The following RBM42 variants were observed in gnomAD, a reference collection of about 807,000 sequenced individuals.
RBM42 encodes RNA-binding protein 42.
In RBM42, 21 loss-of-function variants were observed where a neutral mutation model predicts 41.4. The observed-to-expected ratio is 0.51, with a 90% CI of 0.36 to 0.73. The LOEUF (loss-of-function observed/expected upper bound fraction) is 0.73, where lower values mean the gene tolerates loss of function less well. Ranked by LOEUF, RBM42 falls within the 30% of genes least tolerant of loss-of-function variation. The probability of loss-of-function intolerance (pLI) is 0.00; values close to 1 mark genes in which losing one functional copy is unlikely to be tolerated. For missense variants in RBM42, 539 were observed against 680.4 expected (o/e 0.79, Z 2.31); for synonymous variants, 272 against 271.2 (o/e 1.00, Z -0.03).
At chr19:35,631,097 G>A (rs981520679) in intron 2 of RBM42, 43 bp from the exon 3 acceptor site, 1 of 1,556,970 alleles carries the variant, frequency 6.4e-7, no homozygotes, top group Non-Finnish European at 8.9e-7. Context: ...CAGCAGATGG[G>A]AATGCTGAGT....
intron 8 of RBM42, among the ~76,000 whole-genome samples, chr19:35,635,269 TCAGGC>T (rs1053894121): frequency 2.1e-5 from 3 of 143,106 alleles, no homozygotes; most frequent in African/African-American, 7.9e-5. Flanking sequence ...TGAGCCGAGA[TCAGGC>T]CACTGCACTC....
intron 8 of RBM42, among the ~76,000 whole-genome samples, chr19:35,636,107 A>G (rs1389962729): frequency 1.3e-5 from 2 of 149,248 alleles, no homozygotes; most frequent in South Asian, 2.1e-4. Context: ...TAGCTCTGTG[A>G]CCTTGGGCAA....
intron 5 of RBM42, 33 bp from the exon 6 acceptor site, chr19:35,633,044 A>G (rs780233491): frequency 2.5e-6 from 4 of 1,604,892 alleles, no homozygotes; most frequent in Non-Finnish European, 3.4e-6. Context: ...AACTCCCCCC[A>G]GGCCCTGGAA....
intron 8 of RBM42, among the ~76,000 whole-genome samples, chr19:35,634,582 T>C (rs1232627229): frequency 2.6e-5 from 4 of 152,112 alleles, no homozygotes; most frequent in African/African-American, 9.7e-5. Flanking sequence ...ACATGGGGCT[T>C]TGTAGCCTGT....
At chr19:35,631,254 T>TG in intron 3 of RBM42, 30 bp downstream of exon 3, 1 of 1,612,950 alleles carries the variant, frequency 6.2e-7, no homozygotes, top group Non-Finnish European at 8.5e-7. Context: ...GTGAGGGGGT[T>TG]GGGCAATCAG....
intron 1 of RBM42, 59 bp from the exon 2 acceptor site, chr19:35,629,461 C>T: frequency 2.5e-6 from 4 of 1,600,880 alleles, no homozygotes; most frequent in South Asian, 2.2e-5. Context: ...TCGCGATATA[C>T]CCACAGTTCC....
rs1223952826 is a variant in RBM42 at position 35,637,428 on chromosome 19, C to A, written c.1331-14C>A. On this transcript the variant is annotated splice_polypyrimidine_tract_variant and intron_variant, in intron 9 of 9. Transcript: ENST00000262633. The surrounding 1 kb of genome is among the most constrained non-coding windows in gnomAD (Gnocchi z 7.0). ...GCCTGACCCGAGCCTGCCTTGAACC[C>A]TCTGTCTCCACAGGGAAGTATGTGG... 1.2e-6 allele frequency: 2 copies of A among 1,613,942 alleles called. No individual in the cohort carries two copies. Among genetic ancestry groups the A allele is most frequent in the East Asian group, 2.2e-5 (1 of 44,866 alleles).
In RBM42 at chr19:35,631,160, C is replaced by T; in HGVS notation, c.303C>T (p.Ala101=). The T allele has an allele frequency of 6.2e-7, 1 of 1,614,146 alleles. No individual in the cohort carries two copies. Among genetic ancestry groups the T allele is most frequent in the Non-Finnish European group, 8.5e-7 (1 of 1,180,036 alleles). Residue 101 remains alanine (A), a synonymous_variant, in exon 3 of 10, where the codon GCC becomes GCT. Coordinates refer to ENST00000262633, the MANE Select transcript of RBM42 (RefSeq NM_024321.5). ...TYQQVQQTLE[A]RAAAAATVVP... is the part of the protein sequence containing the mutation. ...GACAGGTCCAGCAGACTCTGGAGGCCCGAGCAGCTGCTGCAGCCACAGTAG... is the reference window on the plus strand; with the variant it reads ...GACAGGTCCAGCAGACTCTGGAGGCTCGAGCAGCTGCTGCAGCCACAGTAG...
rs374227223 is a variant in RBM42, at chr19:35,631,134, C to G, written c.283-6C>G. 2 of 1,613,606 alleles carry G rather than the reference C, an allele frequency of 1.2e-6. No homozygotes were observed. The highest frequency in any genetic ancestry group is 1.7e-6 in the Non-Finnish European group (2 of 1,179,898). The stretch of plus-strand genomic sequence containing the variant: ...AGGCCCCTCACCCTGACCTCTTCCT[C>G]GACAGGTCCAGCAGACTCTGGAGGC... On this transcript the variant is annotated splice_polypyrimidine_tract_variant and splice_region_variant and intron_variant, in intron 2 of 9. Transcript: ENST00000262633.
In RBM42 at chr19:35,633,976, G is replaced by A. The variant is rs765602333; in HGVS notation, c.974G>A (p.Arg325Gln). The change falls in exon 7 of 10, where the codon CGG becomes CAG. Residue 325 changes from arginine (R) to glutamine (Q), a missense_variant. Arg to Gln is a conservative substitution (Grantham distance 43). This residue lies in a region of RBM42 where 429 missense variants were observed against 488.9 expected (regional missense o/e 0.88). Coordinates refer to ENST00000262633, the MANE Select transcript of RBM42 (RefSeq NM_024321.5). ...PELLSLRPRP[R>Q]PPRPEPPPGL... Reference sequence around the variant, plus strand: ...CTCCTGTCCCTGCGTCCTCGGCCCCGGCCCCCTCGGCCAGAGCCACCCCCA... The same window carrying A: ...CTCCTGTCCCTGCGTCCTCGGCCCCAGCCCCCTCGGCCAGAGCCACCCCCA... 7.2e-6 allele frequency: 11 copies of A among 1,537,094 alleles called. No homozygotes were observed. The highest frequency in any genetic ancestry group is 4.6e-5 in the East Asian group (2 of 43,736).
rs537911974 is a variant in RBM42 at position 35,633,921 on chromosome 19, G to A, written c.919G>A (p.Gly307Ser). 1.7e-5 allele frequency: 27 copies of A among 1,590,458 alleles called. No individual in the cohort carries two copies. Among genetic ancestry groups the A allele is most frequent in the South Asian group, 4.5e-5 (4 of 88,612 alleles). The part of the protein sequence containing the change: ...PLPLPLEVVR[G>S]LLPPLRIPEL... ...GCCCCTCCCGTTGGAGGTCGTCCGCGGCCTCCTGCCCCCGCTGCGCATTCC... is the reference window on the plus strand; with the variant it reads ...GCCCCTCCCGTTGGAGGTCGTCCGCAGCCTCCTGCCCCCGCTGCGCATTCC... Residue 307 changes from glycine (G) to serine (S), a missense_variant, in exon 7 of 10, where the codon GGC (glycine) becomes AGC (serine). Physicochemically the swap from Gly to Ser is moderately conservative, Grantham distance 56. Coordinates refer to ENST00000262633, the MANE Select transcript of RBM42 (RefSeq NM_024321.5).
intron 8 of RBM42, among the ~76,000 whole-genome samples, chr19:35,635,810 A>G (rs1312815698): frequency 1.3e-5 from 2 of 151,932 alleles, no homozygotes; most frequent in Non-Finnish European, 2.9e-5. Flanking sequence ...ATAAGCCACC[A>G]CGCCCAGCCT....
intron 8 of RBM42, among the ~76,000 whole-genome samples, chr19:35,634,829 A>G (rs868438375): frequency 6.6e-6 from 1 of 151,208 alleles, no homozygotes; most frequent in East Asian, 2.0e-4. Flanking sequence ...TGGCCGGGAA[A>G]AATTTTAAAC....
At chr19:35,633,288 G>A (rs760441239) in intron 6 of RBM42, 36 bp downstream of exon 6, 109 of 1,488,134 alleles carry the variant, frequency 7.3e-5, no homozygotes, top group Admixed American at 1.1e-4. Context: ...TCAGATGTGC[G>A]GTGGACGGGG....
chr19:35,631,432 A>G (rs1219207755), intron 4 of RBM42, 27 bp downstream of exon 4: 2 of 1,607,060 alleles, frequency 1.2e-6, no homozygotes, highest in South Asian at 1.1e-5. Context: ...GGACCCCCAC[A>G]TTTAATCAGG....
At chr19:35,634,819 T>C (rs563889637) in intron 8 of RBM42, among the ~76,000 whole-genome samples, 3 of 151,470 alleles carry the variant, frequency 2.0e-5, no homozygotes, top group Admixed American at 6.6e-5. Flanking sequence ...CCACTGTACC[T>C]GGCCGGGAAA....
Position 35,633,238 on chromosome 19 carries a change from C to A in RBM42, c.670C>A (p.Leu224Met). ...PGPPLGSMAA[L>M]RPPLEEPAAP... is the part of the protein sequence containing the mutation. ...GCCCCCGCTGGGCTCCATGGCTGCA[C>A]TGAGGCCCCCTCTGGTGAGTGTGAA... Residue 224 changes from leucine (L) to methionine (M), a missense_variant, in exon 6 of 10, where the codon CTG becomes ATG. Transcript: ENST00000262633. The A allele has an allele frequency of 6.3e-7, 1 of 1,589,902 alleles. No homozygotes were observed. The highest frequency in any genetic ancestry group is 8.6e-7 in the Non-Finnish European group (1 of 1,169,404).
chr19:35,634,143 C>A, intron 7 of RBM42, 113 bp from the exon 8 acceptor site: 1 of 1,539,398 alleles, frequency 6.5e-7, no homozygotes, highest in East Asian at 2.3e-5. Context: ...CACATGTGCC[C>A]CACATCCAGA....
intron 4 of RBM42, chr19:35,631,701 C>T (rs1433901194): frequency 8.9e-6 from 4 of 447,510 alleles, no homozygotes; most frequent in Non-Finnish European, 1.6e-5. Flanking sequence ...CTTTTGCATC[C>T]TCTAAAATAA....
Sources: gnomAD v4.1 joint callset for allele counts (sites outside exome capture counted in the v4.1 genomes callset) on GRCh38, gnomAD v4.1.1 for gene constraint, gnomAD v4.1.1 regional missense constraint, Gnocchi (gnomAD v3.1) non-coding constraint, MANE v1.5 for transcripts, NCBI Gene and HGNC (gene_info 2026-07-23, HGNC 2026-07-21) for gene names.